DNAH6: variants seen among roughly 807,000 people sequenced by gnomAD.
The protein encoded by DNAH6 is axonemal beta dynein heavy chain 6.
Under a neutral mutation model 491.4 loss-of-function variants are expected in DNAH6, and 340 were observed. The ratio of observed to expected loss-of-function variants is 0.69; its 90% CI spans 0.63 to 0.76. The LOEUF is 0.76. Ranked by LOEUF, DNAH6 falls within the 30% of genes least tolerant of loss-of-function variation. DNAH6 has a pLI of 0.00. For missense variants in DNAH6, 4,443 were observed against 4,972.2 expected (o/e 0.89, Z 3.20); for synonymous variants, 1,603 against 1,686.1 (o/e 0.95, Z 1.21).
At chr2:84,778,044 T>A in intron 64 of DNAH6, 2 of 1,009,688 alleles carry the variant, frequency 2.0e-6, no homozygotes. Flanking sequence ...AGGAAAAGGC[T>A]GCCATGTTAG....
intron 61 of DNAH6, among the ~76,000 whole-genome samples, chr2:84,728,154 A>G (rs528117505): frequency 2.6e-5 from 4 of 152,296 alleles, no homozygotes; most frequent in Admixed American, 6.5e-5. Flanking sequence ...GCCATGTAAG[A>G]TGTGCCTTTT....
At chr2:84,622,823 G>A (rs1010228890) in intron 26 of DNAH6, among the ~76,000 whole-genome samples, 5 of 151,974 alleles carry the variant, frequency 3.3e-5, no homozygotes, top group Admixed American at 1.3e-4. Context: ...TTTTCTCCAC[G>A]CCCTTGCCAA....
chr2:84,707,086 T>A lies in DNAH6; in HGVS notation c.8851+67T>A, dbSNP rs192237121. ...ATTTTCAGAAGTAGGAAGAAGTTTT[T>A]GGCAATCAGGTTTCAGCTTTTATCC... is the stretch of plus-strand genomic sequence containing the variant. On this transcript the variant is annotated intron_variant, in intron 53 of 76. Transcript: ENST00000389394. 1.1e-4 allele frequency: 165 copies of A among 1,464,122 alleles called. No homozygotes were observed. The African/African-American group carries it at 2.3e-3, about 20-fold the overall frequency. The allele number at this position is 1,464,122 out of a possible 1,614,324, so 90.7% of individuals were successfully genotyped here.
At chr2:84,654,553 T>C in intron 34 of DNAH6, 107 bp from the exon 35 acceptor site, 1 of 1,401,918 alleles carries the variant, frequency 7.1e-7, no homozygotes, top group South Asian at 1.4e-5. Flanking sequence ...CCTTCAGTGT[T>C]GTTAGACTTT....
chr2:84,808,131 ATG>A (rs35839006), intron 71 of DNAH6, among the ~76,000 whole-genome samples: 36,421 of 140,838 alleles, frequency 0.26, 4,988 homozygotes, highest in Non-Finnish European at 0.33. Context: ...GTGTATATAT[ATG>A]TGTGTGTGTG....
chr2:84,507,735 C>A, the DNAH6 span, among the ~76,000 whole-genome samples: 6 of 151,906 alleles, frequency 3.9e-5, no homozygotes, highest in East Asian at 1.9e-4. Flanking sequence ...TTTTGAGATA[C>A]GTCCCATCAA....
At chr2:84,703,674 G>A (rs917120187) in intron 50 of DNAH6, 112 bp downstream of exon 50, 3 of 1,016,896 alleles carry the variant, frequency 3.0e-6, no homozygotes, top group African/African-American at 3.4e-5. Context: ...AAATAATTAA[G>A]TGATAGATTT....
chr2:84,676,904 A>T (rs1027012495), intron 40 of DNAH6, 101 bp from the exon 41 acceptor site: 14 of 1,338,168 alleles, frequency 1.0e-5, no homozygotes, highest in Non-Finnish European at 1.3e-5. Flanking sequence ...CACAAAAAAA[A>T]ATGTAATGCA....
intron 9 of DNAH6, among the ~76,000 whole-genome samples, chr2:84,551,358 A>G (rs1487524612): frequency 1.3e-5 from 2 of 150,800 alleles, no homozygotes; most frequent in African/African-American, 4.9e-5. Context: ...ATATACAAAG[A>G]AAAGCACCTT....
rs372067032 is a variant in DNAH6, at chr2:84,709,281, C to T, written c.9049-62C>T. On this transcript the variant is annotated intron_variant, in intron 54 of 76. Transcript: ENST00000389394. The stretch of plus-strand genomic sequence containing the variant: ...ACTTACCACTGCCCACCACATTTTG[C>T]ATGTGCCCTCGTTTACTGAGTGTTC... The T allele has an allele frequency of 3.8e-5, 57 of 1,501,512 alleles. 1 individual carries two copies. Among genetic ancestry groups the T allele is most frequent in the East Asian group, 3.2e-4 (13 of 40,658 alleles). 93.0% of individuals were successfully genotyped at this position (1,501,512 alleles called of 1,614,324 possible).
chr2:84,752,975 G>T (rs1310681408), intron 63 of DNAH6, among the ~76,000 whole-genome samples: 2 of 152,110 alleles, frequency 1.3e-5, no homozygotes, highest in African/African-American at 4.8e-5. Context: ...TTGATGAACT[G>T]CCAGACTGTT....
chr2:84,550,067 C>A lies in DNAH6; in HGVS notation c.1485+10C>A, dbSNP rs751332965. 3.7e-6 allele frequency: 6 copies of A among 1,600,538 alleles called. No homozygotes were observed. The South Asian group carries it at 4.5e-5, about 12-fold the overall frequency. On this transcript the variant is annotated intron_variant, in intron 9 of 76. Transcript: ENST00000389394. ...AGTCCCTGATAAAAAGGTATACTCA[C>A]ACAAAATTAAGAATATTTTATTGGT...
intron 37 of DNAH6, among the ~76,000 whole-genome samples, chr2:84,664,032 A>C (rs1691811294): frequency 6.6e-6 from 1 of 152,200 alleles, no homozygotes; most frequent in Admixed American, 6.5e-5. Context: ...AAAATCCTTT[A>C]CAGACAAGCA....
intron 31 of DNAH6, among the ~76,000 whole-genome samples, chr2:84,639,165 G>T (rs1031510034): frequency 6.6e-6 from 1 of 152,128 alleles, no homozygotes; most frequent in Non-Finnish European, 1.5e-5. Flanking sequence ...GGGGTGGGGG[G>T]CAGTTAGGAC....
intron 51 of DNAH6, 21 bp downstream of exon 51, chr2:84,704,323 T>G: frequency 6.7e-7 from 1 of 1,500,124 alleles, no homozygotes; most frequent in East Asian, 2.5e-5. Flanking sequence ...CAGAGTCATG[T>G]ATTGCCATGA....
At chr2:84,813,151 A>T (rs1680162257) in intron 74 of DNAH6, 21 bp downstream of exon 74, 1 of 1,533,088 alleles carries the variant, frequency 6.5e-7, no homozygotes, top group African/African-American at 1.4e-5. Flanking sequence ...TTTCTAGAAA[A>T]ACCCCATAGG....
At chr2:84,682,063 C>G (rs561441723) in intron 42 of DNAH6, among the ~76,000 whole-genome samples, 6 of 152,204 alleles carry the variant, frequency 3.9e-5, no homozygotes, top group Admixed American at 6.5e-5. Context: ...TTTCTCTGCT[C>G]TTTCTAGAAA....
chr2:84,805,879 C>G, intron 71 of DNAH6, 85 bp downstream of exon 71: 5 of 1,271,246 alleles, frequency 3.9e-6, no homozygotes, highest in Non-Finnish European at 1.1e-6. Context: ...GTGTCAAAAC[C>G]TGCTTATTAT....
At chr2:84,511,144 T>C in the DNAH6 span, among the ~76,000 whole-genome samples, 1 of 152,070 alleles carries the variant, frequency 6.6e-6, no homozygotes, top group Admixed American at 6.5e-5. Context: ...TCTGCTGCCT[T>C]TTGTTTGGCT....
Sources: gnomAD v4.1 joint callset for allele counts (sites outside exome capture counted in the v4.1 genomes callset) on GRCh38, gnomAD v4.1.1 for gene constraint, MANE v1.5 for transcripts, NCBI Gene and HGNC (gene_info 2026-07-23, HGNC 2026-07-21) for gene names.